Variants in SLC26A8 observed in about 807,000 individuals in gnomAD.
SLC26A8 encodes solute carrier family 26 member 8.
Under a neutral mutation model 105.0 loss-of-function variants are expected in SLC26A8, and 70 were observed. The observed-to-expected ratio is 0.67, with a 90% CI of 0.55 to 0.81. The LOEUF (loss-of-function observed/expected upper bound fraction) is 0.81, where lower values mean the gene tolerates loss of function less well. Among genes scored for constraint, SLC26A8 ranks in the 40% least tolerant of loss-of-function variants. The pLI is 0.00. For synonymous variants in SLC26A8, 415 were observed against 438.3 expected (o/e 0.95, Z 0.66); for missense variants, 998 against 1,181.8 (o/e 0.84, Z 2.28).
At chr6:35,982,998 T>C (rs962041541) in intron 7 of SLC26A8, among the ~76,000 whole-genome samples, 17 of 152,240 alleles carry the variant, frequency 1.1e-4, no homozygotes, top group African/African-American at 3.9e-4. Context: ...TCAATGCAGA[T>C]TAAACCAGAG....
intron 7 of SLC26A8, chr6:35,989,417 AAT>A (rs1024685677): frequency 1.3e-5 from 2 of 152,196 alleles, no homozygotes; most frequent in African/African-American, 4.8e-5. Context: ...TTGTACACAC[AAT>A]GTGTGTGTGT....
intron 8 of SLC26A8, among the ~76,000 whole-genome samples, chr6:35,980,735 G>A (rs566919836): frequency 3.9e-5 from 6 of 152,196 alleles, no homozygotes; most frequent in African/African-American, 9.6e-5. Flanking sequence ...ACATTTGCCC[G>A]GGTGTGGTGA....
intron 1 of SLC26A8, among the ~76,000 whole-genome samples, chr6:36,020,592 C>T (rs889707504): frequency 8.5e-5 from 13 of 152,072 alleles, no homozygotes; most frequent in African/African-American, 3.1e-4. Flanking sequence ...GTACTCCAGC[C>T]TGGGTGTCAG....
chr6:35,982,944 G>T (rs906406513), intron 7 of SLC26A8, among the ~76,000 whole-genome samples: 5 of 152,170 alleles, frequency 3.3e-5, no homozygotes, highest in African/African-American at 1.2e-4. Context: ...TAATTAGAGG[G>T]AAAAGAGACA....
chr6:36,000,463 G>A (rs1761488719), intron 3 of SLC26A8, among the ~76,000 whole-genome samples: 1 of 152,170 alleles, frequency 6.6e-6, no homozygotes, highest in Non-Finnish European at 1.5e-5. Context: ...AGCACAAGCA[G>A]GCCGTGGGAA....
At chr6:36,000,160 T>A in intron 3 of SLC26A8, 52 bp from the exon 4 acceptor site, 1 of 1,179,578 alleles carries the variant, frequency 8.5e-7, no homozygotes, top group Non-Finnish European at 1.3e-6. Context: ...AAAGTCACCT[T>A]AAATAAAAAC....
intron 19 of SLC26A8, 97 bp from the exon 20 acceptor site, chr6:35,944,437 G>T: frequency 1.2e-6 from 1 of 813,334 alleles, no homozygotes; most frequent in South Asian, 1.7e-5. Flanking sequence ...TTGAGAGGCT[G>T]GGGCAGGAGA....
At position 35,944,098 on chromosome 6, in the gene SLC26A8, C is replaced by T; in HGVS notation, c.2715G>A (p.Glu905=). Residue 905 remains glutamate (E), a synonymous_variant, in exon 20 of 20, where the codon GAG becomes GAA. Transcript: ENST00000490799. ...KTQTEMEPQP[E]TEPEMEPNPK... ...GGTTGGGCTCCATCTCAGGCTCAGT[C>T]TCAGGCTGGGGCTCCATCTCGGTCT... The T allele has an allele frequency of 6.2e-7, 1 of 1,614,098 alleles. No individual in the cohort carries two copies. The highest frequency in any genetic ancestry group is 8.5e-7 in the Non-Finnish European group (1 of 1,180,004).
intron 17 of SLC26A8, among the ~76,000 whole-genome samples, chr6:35,954,140 T>A (rs1157237674): frequency 6.6e-6 from 1 of 152,132 alleles, no homozygotes; most frequent in African/African-American, 2.4e-5. Flanking sequence ...AACAATGACA[T>A]CAATATGGTT....
At chr6:35,955,101 G>T in intron 17 of SLC26A8, 51 bp downstream of exon 17, 1 of 1,610,054 alleles carries the variant, frequency 6.2e-7, no homozygotes, top group Non-Finnish European at 8.5e-7. Context: ...GGTGGGGTTG[G>T]GATGGTAGGA....
At chr6:35,975,516 C>T (rs752033690) in intron 9 of SLC26A8, 28 bp from the exon 10 acceptor site, 3 of 1,439,882 alleles carry the variant, frequency 2.1e-6, no homozygotes, top group East Asian at 4.6e-5. Context: ...ATGCTTTAGG[C>T]CCCCGTTTTT....
Position 35,960,707 on chromosome 6 carries a change from A to G in SLC26A8, c.1638+136T>C, listed in dbSNP as rs1171806421. The stretch of plus-strand genomic sequence containing the variant: ...AAAGAACCCATCTCTACCAGTGTAC[A>G]TCACATCCCCCTCCTTTGTAAATGT... On this transcript the variant is annotated intron_variant, in intron 14 of 19. Coordinates refer to ENST00000490799, the MANE Select transcript of SLC26A8 (RefSeq NM_052961.4). The G allele has an allele frequency of 1.2e-4, 103 of 830,066 alleles. 1 individual carries two copies. Among genetic ancestry groups the G allele is most frequent in the Non-Finnish European group, 1.9e-6 (1 of 514,086 alleles). The allele number at this position is 830,066 out of a possible 1,614,324, so 51.4% of individuals were successfully genotyped here. A position where few individuals can be genotyped will look rare whatever the true frequency, so the allele number is the denominator to read the frequency against.
chr6:35,955,599 G>C, intron 16 of SLC26A8, 79 bp from the exon 17 acceptor site: 1 of 1,530,464 alleles, frequency 6.5e-7, no homozygotes, highest in Non-Finnish European at 8.8e-7. Flanking sequence ...GCTATTTCTT[G>C]TCTCTGCCAG....
intron 7 of SLC26A8, among the ~76,000 whole-genome samples, chr6:35,984,595 A>AT (rs1773418605): frequency 6.6e-6 from 1 of 152,078 alleles, no homozygotes; most frequent in African/African-American, 2.4e-5. Context: ...AAGTGCTGGG[A>AT]TTACAAGGGT....
intron 7 of SLC26A8, 127 bp from the exon 8 acceptor site, chr6:35,982,330 C>T (rs1773306127): frequency 8.7e-6 from 7 of 807,968 alleles, no homozygotes; most frequent in Non-Finnish European, 1.4e-5. Context: ...AGTCCCTATG[C>T]ATGCAAGTTG....
chr6:35,960,840 T>A lies in SLC26A8; in HGVS notation c.1638+3A>T. ...GAGAAATGGGACCCATTTGGATTCT[T>A]ACCTCCCGATAATCATTGATGCTTC... On this transcript the variant is annotated splice_donor_region_variant and intron_variant, in intron 14 of 19. Coordinates refer to ENST00000490799, the MANE Select transcript of SLC26A8 (RefSeq NM_052961.4). 3 of 1,614,088 alleles carry A rather than the reference T, an allele frequency of 1.9e-6. No homozygotes were observed. The highest frequency in any genetic ancestry group is 8.5e-7 in the Non-Finnish European group (1 of 1,179,952).
At chr6:36,001,371 A>G (rs999784924) in intron 3 of SLC26A8, among the ~76,000 whole-genome samples, 4 of 151,986 alleles carry the variant, frequency 2.6e-5, no homozygotes, top group Admixed American at 1.3e-4. Flanking sequence ...CTCGTGATCC[A>G]CCCGCCTCGG....
chr6:36,007,842 T>G (rs573623316), intron 3 of SLC26A8, among the ~76,000 whole-genome samples: 1 of 151,240 alleles, frequency 6.6e-6, no homozygotes, highest in South Asian at 2.1e-4. Context: ...GTGTTGAGGC[T>G]GGGCGCGGTG....
At chr6:36,014,691 C>A (rs528438723) in intron 2 of SLC26A8, among the ~76,000 whole-genome samples, 41 of 152,138 alleles carry the variant, frequency 2.7e-4, no homozygotes, top group South Asian at 1.0e-3. Context: ...ATTGGCCTGG[C>A]CAATATGGCG....
Sources: allele counts gnomAD v4.1 joint callset (sites outside exome capture counted in the v4.1 genomes callset), GRCh38; gene constraint gnomAD v4.1.1; transcripts MANE v1.5; gene names NCBI Gene and HGNC (gene_info 2026-07-23, HGNC 2026-07-21).